The following MTHFD1L variants were observed in gnomAD, a reference collection of about 807,000 sequenced individuals.
MTHFD1L encodes monofunctional C1-tetrahydrofolate synthase, mitochondrial.
MTHFD1L carries 81 observed loss-of-function variants against 119.5 expected under a neutral mutation model. That is an observed-to-expected ratio of 0.68 (90% CI 0.57 to 0.82). MTHFD1L has a LOEUF of 0.82. MTHFD1L is among the 40% of genes least tolerant of loss of function. The probability of loss-of-function intolerance (pLI) is 0.00; values close to 1 mark genes in which losing one functional copy is unlikely to be tolerated. For missense variants in MTHFD1L, 1,125 were observed against 1,253.4 expected, an observed-to-expected ratio of 0.90 and a Z score of 1.55; for synonymous variants, 430 against 475.2, an observed-to-expected ratio of 0.90 and a Z score of 1.24.
intron 26 of MTHFD1L, chr6:151,087,966 A>G (rs1238097312): frequency 6.6e-6 from 1 of 152,200 alleles, no homozygotes; most frequent in Non-Finnish European, 1.5e-5. Context: ...AGGCCTCCTT[A>G]AAGGGCACAC....
intron 9 of MTHFD1L, among the ~76,000 whole-genome samples, chr6:150,921,215 G>A (rs1055584870): frequency 1.7e-4 from 26 of 151,940 alleles, no homozygotes; most frequent in Admixed American, 1.2e-3. Flanking sequence ...CACCTCCCGG[G>A]TTCAAGTGAT....
At chr6:150,866,151 C>T in intron 1 of MTHFD1L, 102 bp downstream of exon 1, 1 of 1,405,172 alleles carries the variant, frequency 7.1e-7, no homozygotes, top group Non-Finnish European at 9.3e-7. Context: ...CGCGGGGCTG[C>T]GAGTGTTTGG....
intron 10 of MTHFD1L, among the ~76,000 whole-genome samples, chr6:150,923,541 T>TTTATTTATTTATTTA (rs1562387223): frequency 1.2e-4 from 4 of 32,324 alleles, no homozygotes; most frequent in East Asian, 1.8e-3. Flanking sequence ...TTATTTATTT[T>TTTATTTATTTATTTA]TTCTTTTTTT....
At chr6:150,877,868 C>G in intron 4 of MTHFD1L, 42 bp downstream of exon 4, 1 of 1,610,468 alleles carries the variant, frequency 6.2e-7, no homozygotes, top group South Asian at 1.1e-5. Context: ...CTTCTTTCCT[C>G]TTGAGACTTA....
chr6:151,008,770 G>T (rs1437550336), intron 20 of MTHFD1L, among the ~76,000 whole-genome samples: 1 of 152,100 alleles, frequency 6.6e-6, no homozygotes, highest in Non-Finnish European at 1.5e-5. Flanking sequence ...CTTGAAATTT[G>T]TCAGTTAACA....
chr6:150,994,064 TAAA>T (rs746589557), intron 20 of MTHFD1L, among the ~76,000 whole-genome samples: 1 of 74,266 alleles, frequency 1.3e-5, no homozygotes, highest in Non-Finnish European at 2.3e-5. Context: ...ACAACAACAG[TAAA>T]AAAAAAAAAA....
At chr6:150,996,955 C>T (rs1424816588) in intron 20 of MTHFD1L, among the ~76,000 whole-genome samples, 1 of 152,180 alleles carries the variant, frequency 6.6e-6, no homozygotes, top group Non-Finnish European at 1.5e-5. Flanking sequence ...ACCTCTGCTC[C>T]CAGGGGCCAC....
intron 24 of MTHFD1L, among the ~76,000 whole-genome samples, chr6:151,027,788 T>C (rs1412543380): frequency 6.6e-6 from 1 of 152,158 alleles, no homozygotes; most frequent in African/African-American, 2.4e-5. Flanking sequence ...ACCCAAAAGA[T>C]TATTTCCTTA....
chr6:151,090,822 C>G (rs73622480), intron 26 of MTHFD1L, among the ~76,000 whole-genome samples: 4,587 of 149,874 alleles, frequency 0.031, 291 homozygotes, highest in African/African-American at 0.11. Context: ...AATGTCTCCT[C>G]CAAGCGACTG....
intron 26 of MTHFD1L, among the ~76,000 whole-genome samples, chr6:151,064,002 A>G (rs1790934929): frequency 6.6e-6 from 1 of 152,122 alleles, no homozygotes; most frequent in African/African-American, 2.4e-5. Flanking sequence ...CATTCAGTGT[A>G]TCTTTGTCAT....
At chr6:151,005,336 T>C (rs1282640516) in intron 20 of MTHFD1L, among the ~76,000 whole-genome samples, 6 of 152,138 alleles carry the variant, frequency 3.9e-5, no homozygotes, top group Non-Finnish European at 7.3e-5. Flanking sequence ...CAGCATACCT[T>C]TTCCATGTTC....
intron 18 of MTHFD1L, among the ~76,000 whole-genome samples, chr6:150,963,760 C>A (rs1796793735): frequency 1.3e-5 from 2 of 152,250 alleles, no homozygotes; most frequent in East Asian, 1.9e-4. Context: ...TGTTTTCCCC[C>A]CCTAGAGCTA....
Position 151,013,806 on chromosome 6 carries a change from G to A in MTHFD1L, c.2293G>A (p.Glu765Lys), listed in dbSNP as rs1782629206. The change falls in exon 22 of 28, where the codon GAA becomes AAA. Residue 765 changes from glutamate (E) to lysine (K), a missense_variant. By Grantham distance (56) the Glu-to-Lys change is moderately conservative. This residue lies in a region of MTHFD1L where 1,058 missense variants were observed against 1,151.2 expected (regional missense o/e 0.92). Transcript: ENST00000367321. Reference sequence around the variant, plus strand: ...AACGGCTGGTGTTCCTCTTAAGAAAGAATATACAGAGGAGGTAAGAGGAGC... The same window carrying A: ...AACGGCTGGTGTTCCTCTTAAGAAAAAATATACAGAGGAGGTAAGAGGAGC... ...SVTAGVPLKKEYTEENIQLVA... is the reference protein window; with the variant it reads ...SVTAGVPLKKKYTEENIQLVA... 6.2e-7 allele frequency: 1 copy of A among 1,612,476 alleles called. No individual in the cohort carries two copies. The highest frequency in any genetic ancestry group is 8.5e-7 in the Non-Finnish European group (1 of 1,178,854).
chr6:151,041,307 C>T (rs1787070405), intron 26 of MTHFD1L, among the ~76,000 whole-genome samples: 1 of 152,176 alleles, frequency 6.6e-6, no homozygotes, highest in African/African-American at 2.4e-5. Flanking sequence ...CCATTCTGGG[C>T]CTTGCCACAG....
chr6:151,078,792 G>A (rs896683690), intron 26 of MTHFD1L, among the ~76,000 whole-genome samples: 12 of 152,232 alleles, frequency 7.9e-5, no homozygotes, highest in South Asian at 4.2e-4. Context: ...GCCATATTCT[G>A]CTGGTGAGAA....
intron 26 of MTHFD1L, among the ~76,000 whole-genome samples, chr6:151,088,930 C>T (rs980625228): frequency 2.6e-5 from 4 of 152,162 alleles, no homozygotes; most frequent in Admixed American, 1.3e-4. Context: ...AAAGATAGTG[C>T]GTGTAAACAA....
chr6:151,012,019 C>CAAAAAAAAAAAAAAAAAAAAAAAAAAA (rs1043831602), intron 21 of MTHFD1L, among the ~76,000 whole-genome samples: 1 of 58,840 alleles, frequency 1.7e-5, no homozygotes, highest in African/African-American at 5.8e-5. Flanking sequence ...ACAACAACAA[C>CAAAAAAAAAAAAAAAAAAAAAAAAAAA]AAAAAAAAAA....
At chr6:150,956,679 T>G (rs1370910140) in intron 17 of MTHFD1L, among the ~76,000 whole-genome samples, 1 of 151,314 alleles carries the variant, frequency 6.6e-6, no homozygotes, top group Admixed American at 6.6e-5. Flanking sequence ...TTGTGTTGTG[T>G]TTTTTTTTCT....
At chr6:151,058,955 C>T (rs552219336) in intron 26 of MTHFD1L, among the ~76,000 whole-genome samples, 3 of 152,012 alleles carry the variant, frequency 2.0e-5, no homozygotes, top group South Asian at 4.2e-4. Flanking sequence ...GGAGTACAGG[C>T]GTGAGCCACC....
Sources: allele counts gnomAD v4.1 joint callset (sites outside exome capture counted in the v4.1 genomes callset), GRCh38; gene constraint gnomAD v4.1.1; regional missense constraint gnomAD v4.1.1; transcripts MANE v1.5; gene names NCBI Gene and HGNC (gene_info 2026-07-23, HGNC 2026-07-21).